EIF4E: variants seen among roughly 807,000 people sequenced by gnomAD.
EIF4E encodes eIF-4F 25 kDa subunit.
For synonymous variants in EIF4E, 71 were observed against 88.5 expected (o/e 0.80, Z 1.11); for missense variants, 113 against 265.6 (o/e 0.43, Z 3.99).
chr4:98,904,353 C>A (rs903347031), intron 1 of EIF4E, among the ~76,000 whole-genome samples: 2 of 152,130 alleles, frequency 1.3e-5, no homozygotes, highest in African/African-American at 2.4e-5. Context: ...TTTGGACATA[C>A]AGGAATTAAA....
intron 2 of EIF4E, among the ~76,000 whole-genome samples, chr4:98,893,064 A>C (rs1346288616): frequency 2.6e-5 from 4 of 152,198 alleles, no homozygotes; most frequent in African/African-American, 9.6e-5. Flanking sequence ...AGAGTCACAC[A>C]AATTTTTTGG....
intron 1 of EIF4E, among the ~76,000 whole-genome samples, chr4:98,919,104 C>T (rs576249854): frequency 6.6e-6 from 1 of 152,134 alleles, no homozygotes; most frequent in Admixed American, 6.6e-5. Context: ...GTCAAGAGAT[C>T]AAGACCATCC....
At chr4:98,888,036 A>G in intron 3 of EIF4E, 84 bp from the exon 4 acceptor site, 1 of 1,148,250 alleles carries the variant, frequency 8.7e-7, no homozygotes, top group East Asian at 2.6e-5. Context: ...TTTAGAACAT[A>G]TGATGAAAAT....
At chr4:98,905,038 T>C (rs1724810434) in intron 1 of EIF4E, among the ~76,000 whole-genome samples, 1 of 152,074 alleles carries the variant, frequency 6.6e-6, no homozygotes, top group Non-Finnish European at 1.5e-5. Flanking sequence ...TTAAGGTATC[T>C]AACCTTATTT....
intron 1 of EIF4E, among the ~76,000 whole-genome samples, chr4:98,912,848 T>C (rs757387087): frequency 9.9e-5 from 15 of 152,206 alleles, no homozygotes; most frequent in African/African-American, 1.4e-4. Context: ...TACTAAATTC[T>C]AGTTTTTTAA....
At chr4:98,892,143 T>C (rs765663857) in intron 2 of EIF4E, among the ~76,000 whole-genome samples, 29 of 150,960 alleles carry the variant, frequency 1.9e-4, no homozygotes, top group Admixed American at 1.1e-3. Context: ...GGTTGGGAAT[T>C]CGAGACCAGC....
intron 1 of EIF4E, among the ~76,000 whole-genome samples, chr4:98,918,585 T>C (rs1212289066): frequency 6.6e-6 from 1 of 152,130 alleles, no homozygotes; most frequent in Admixed American, 6.5e-5. Flanking sequence ...ATAGATATAT[T>C]ATCTCGTGTA....
chr4:98,903,764 A>C (rs1430526932), intron 1 of EIF4E, among the ~76,000 whole-genome samples: 2 of 152,346 alleles, frequency 1.3e-5, no homozygotes, highest in East Asian at 3.9e-4. Flanking sequence ...AATAAATTTA[A>C]ATGTTTACAC....
chr4:98,885,092 A>G (rs1723857180), intron 5 of EIF4E, 31 bp from the exon 6 acceptor site: 2 of 1,599,696 alleles, frequency 1.3e-6, no homozygotes, highest in Non-Finnish European at 1.7e-6. Context: ...TACATTTAAT[A>G]GATTATAAAC....
intron 1 of EIF4E, chr4:98,903,407 T>G (rs1180756822): frequency 6.6e-6 from 3 of 453,494 alleles, no homozygotes; most frequent in Non-Finnish European, 1.3e-5. Context: ...GGGGTCTCAC[T>G]CATAGCTCAC....
Position 98,889,039 on chromosome 4 carries a change from A to T in EIF4E, c.222-1087T>A, listed in dbSNP as rs912199688. 4.6e-5 allele frequency among the ~76,000 whole-genome samples: 7 copies of T among 152,124 alleles called. No homozygotes were observed. In the East Asian group the frequency reaches 1.2e-3, roughly 25 times the overall value. ...CCGGGCGTGGTGGCATGCGCCTGTA[A>T]TCCCAGCTACTAGGGAGGCTGAGGC... On this transcript the variant is annotated intron_variant, in intron 3 of 6. Coordinates refer to ENST00000450253, the MANE Select transcript of EIF4E (RefSeq NM_001968.5).
intron 1 of EIF4E, among the ~76,000 whole-genome samples, chr4:98,910,810 A>G (rs1725092108): frequency 6.6e-6 from 1 of 151,736 alleles, no homozygotes; most frequent in African/African-American, 2.4e-5. Flanking sequence ...GCTCACTGCA[A>G]CCTCCACCTC....
At chr4:98,921,344 T>C (rs1048820834) in intron 1 of EIF4E, among the ~76,000 whole-genome samples, 4 of 152,150 alleles carry the variant, frequency 2.6e-5, no homozygotes, top group African/African-American at 4.8e-5. Context: ...TGTTGACATA[T>C]ATATGTAGAC....
In EIF4E at chr4:98,887,951, G is replaced by A. The variant is rs904264307; in HGVS notation, c.223C>T (p.Leu75=). 3 of 1,611,388 alleles carry A rather than the reference G, an allele frequency of 1.9e-6. No homozygotes were observed. The African/African-American group carries it at 4.0e-5, about 22-fold the overall frequency. ...KFDTVEDFWA[L]YNHIQLSSNL... ...CTAGACAACTGGATATGGTTGTACAGACTAGGTAAAAGAAAATAACAATTA... is the reference window on the plus strand; with the variant it reads ...CTAGACAACTGGATATGGTTGTACAAACTAGGTAAAAGAAAATAACAATTA... Residue 75 remains leucine, a splice_region_variant and synonymous_variant, in exon 4 of 7, where the codon CTG becomes TTG. Coordinates refer to ENST00000450253, the MANE Select transcript of EIF4E (RefSeq NM_001968.5). The surrounding 1 kb of genome is among the most constrained non-coding windows in gnomAD (Gnocchi z 4.0).
intron 1 of EIF4E, among the ~76,000 whole-genome samples, chr4:98,915,834 G>A (rs1363015299): frequency 2.0e-5 from 3 of 151,646 alleles, no homozygotes; most frequent in African/African-American, 7.3e-5. Flanking sequence ...GAGCCACTGC[G>A]CCTGGCCGTT....
chr4:98,901,999 T>A lies in EIF4E; in HGVS notation c.19-17A>T. ...GGTGGTTTCCTAGTGGAAAATAATA[T>A]AAAACATTATTTTAAATGTCTTAAC... On this transcript the variant is annotated splice_polypyrimidine_tract_variant and intron_variant, in intron 1 of 6. Transcript: ENST00000450253. 2 of 1,590,172 alleles carry A rather than the reference T, an allele frequency of 1.3e-6. No homozygotes were observed. The highest frequency in any genetic ancestry group is 1.7e-6 in the Non-Finnish European group (2 of 1,158,536).
chr4:98,920,782 AT>A (rs1389793043), intron 1 of EIF4E, among the ~76,000 whole-genome samples: 2 of 152,208 alleles, frequency 1.3e-5, no homozygotes, highest in Non-Finnish European at 2.9e-5. Context: ...ACAAGTTCAA[AT>A]GAAAAAAATT....
At chr4:98,921,850 C>T (rs571823854) in intron 1 of EIF4E, among the ~76,000 whole-genome samples, 16 of 152,206 alleles carry the variant, frequency 1.1e-4, no homozygotes, top group Non-Finnish European at 1.8e-4. Flanking sequence ...CTAGCAAATG[C>T]CAGAAATCAA....
chr4:98,891,197 G>A (rs1012545743), intron 3 of EIF4E, 40 bp downstream of exon 3: 7 of 1,600,190 alleles, frequency 4.4e-6, no homozygotes, highest in Admixed American at 1.7e-5. Context: ...ACTACACAAC[G>A]AATAAAACAA....
Sources: gnomAD v4.1 joint callset for allele counts (sites outside exome capture counted in the v4.1 genomes callset) on GRCh38, gnomAD v4.1.1 for gene constraint, Gnocchi (gnomAD v3.1) non-coding constraint, MANE v1.5 for transcripts, NCBI Gene and HGNC (gene_info 2026-07-23, HGNC 2026-07-21) for gene names.